COL4A4: variants seen among roughly 807,000 people sequenced by gnomAD.
COL4A4 encodes collagen alpha-4(IV) chain.
COL4A4 carries 105 observed loss-of-function variants against 192.9 expected under a neutral mutation model. That is an observed-to-expected ratio of 0.54 (90% confidence interval 0.46 to 0.64). The LOEUF is 0.64. COL4A4 is among the 30% of genes least tolerant of loss of function. The probability of loss-of-function intolerance (pLI) is 0.00; values close to 1 mark genes in which losing one functional copy is unlikely to be tolerated. For missense variants in COL4A4, 1,967 were observed against 2,169.3 expected, an observed-to-expected ratio of 0.91 and a Z score of 1.85; for synonymous variants, 762 against 769.9, an observed-to-expected ratio of 0.99 and a Z score of 0.17.
the COL4A4 span, among the ~76,000 whole-genome samples, chr2:226,972,664 A>G: frequency 6.6e-6 from 1 of 152,186 alleles, no homozygotes; most frequent in Admixed American, 6.5e-5. Flanking sequence ...TGAGTCAGTC[A>G]TTCAGCAAAT....
intron 19 of COL4A4, among the ~76,000 whole-genome samples, chr2:227,094,590 G>C (rs780736492): frequency 6.6e-6 from 1 of 152,284 alleles, no homozygotes; most frequent in East Asian, 1.9e-4. Context: ...CAAAGTCTTA[G>C]TCATGCAAGA....
chr2:227,045,921 GTATATGTA>G (rs761891415), intron 35 of COL4A4, among the ~76,000 whole-genome samples: 14,844 of 61,612 alleles, frequency 0.24, 4,029 homozygotes, highest in African/African-American at 0.36. Context: ...GTATGTATAT[GTATATGTA>G]TATATGTATA....
intron 24 of COL4A4, 39 bp downstream of exon 24, chr2:227,080,404 G>GAAAGTGAA: frequency 3.2e-6 from 5 of 1,546,018 alleles, no homozygotes; most frequent in African/African-American, 2.7e-5. Context: ...GACCATATAA[G>GAAAGTGAA]AAAGTGAAAT....
At position 227,022,167 on chromosome 2, in the gene COL4A4, G is replaced by A. The variant is rs578099704; in HGVS notation, c.4097C>T (p.Pro1366Leu). 2.5e-5 allele frequency: 40 copies of A among 1,614,040 alleles called. No individual in the cohort carries two copies. The highest frequency in any genetic ancestry group is 2.2e-4 in the East Asian group (10 of 44,868). ...GTCATCCACATCTGCAGGTGGCCCC[G>A]GTTCACCTGAAATTGGAATCACCGC... ...PTGLPGPRGE[P>L]GPPADVDDCP... Residue 1366 changes from proline to leucine, a missense_variant, in exon 44 of 48, where the codon CCG becomes CTG. Coordinates refer to ENST00000396625, the MANE Select transcript of COL4A4 (RefSeq NM_000092.5).
At chr2:227,146,830 C>T (rs2063580257) in intron 2 of COL4A4, among the ~76,000 whole-genome samples, 1 of 152,184 alleles carries the variant, frequency 6.6e-6, no homozygotes, top group Non-Finnish European at 1.5e-5. Context: ...GTCAAAGCTC[C>T]TTCTCCGACT....
At chr2:227,150,082 T>TC (rs2063826464) in intron 1 of COL4A4, among the ~76,000 whole-genome samples, 1 of 152,222 alleles carries the variant, frequency 6.6e-6, no homozygotes, top group Non-Finnish European at 1.5e-5. Context: ...TATTAAGTTC[T>TC]CAATATATAT....
intron 4 of COL4A4, among the ~76,000 whole-genome samples, chr2:227,134,937 T>C (rs1315541836): frequency 6.6e-6 from 1 of 152,240 alleles, no homozygotes; most frequent in African/African-American, 2.4e-5. Flanking sequence ...TTTATTATCA[T>C]CCTTGTTACT....
chr2:227,067,362 C>G (rs541957539), intron 25 of COL4A4, among the ~76,000 whole-genome samples: 1 of 152,174 alleles, frequency 6.6e-6, no homozygotes, highest in Non-Finnish European at 1.5e-5. Context: ...CTGCACCAAG[C>G]AGACCTAATA....
At chr2:227,057,288 TG>T in intron 29 of COL4A4, 150 bp downstream of exon 29, 3 of 932,790 alleles carry the variant, frequency 3.2e-6, no homozygotes, top group Non-Finnish European at 4.9e-6. Context: ...GGGGAAGTGA[TG>T]CAAACCAACA....
intron 25 of COL4A4, among the ~76,000 whole-genome samples, chr2:227,071,233 G>C (rs1229672123): frequency 6.6e-6 from 1 of 152,000 alleles, no homozygotes; most frequent in Non-Finnish European, 1.5e-5. Context: ...AGAAACCAAA[G>C]GCAGCAGGGA....
chr2:227,065,196 G>C (rs374062674), intron 25 of COL4A4, among the ~76,000 whole-genome samples: 1 of 152,174 alleles, frequency 6.6e-6, no homozygotes, highest in Non-Finnish European at 1.5e-5. Context: ...AAAAAACGGC[G>C]CACCAGGAGA....
chr2:227,109,563 A>G (rs1377072949), intron 9 of COL4A4: 25 of 569,626 alleles, frequency 4.4e-5, no homozygotes, highest in South Asian at 2.0e-4. Context: ...CCTGGCCAAC[A>G]TGGTGAAACC....
chr2:226,992,943 G>A, the COL4A4 span, among the ~76,000 whole-genome samples: 1 of 152,224 alleles, frequency 6.6e-6, no homozygotes. Flanking sequence ...TGAAAGCTAA[G>A]TGGAGAAGTG....
chr2:227,047,543 T>C lies in COL4A4; in HGVS notation c.3221A>G (p.Lys1074Arg). ...ACCAAAGTGACTGGCAGGGTCACCT[T>C]TGTTTCCTGAAAGGGATAAAATGCA... ...IDGARGPKGNKGDPASHFGPP... is the reference protein window; with the variant it reads ...IDGARGPKGNRGDPASHFGPP... The change falls in exon 35 of 48, where the codon AAA (lysine) becomes AGA (arginine). Residue 1074 changes from lysine (K) to arginine (R), a missense_variant. Physicochemically the swap from Lys to Arg is conservative, Grantham distance 26 (BLOSUM62 2). Coordinates refer to ENST00000396625, the MANE Select transcript of COL4A4 (RefSeq NM_000092.5). The C allele has an allele frequency of 6.2e-7, 1 of 1,613,110 alleles. No homozygotes were observed. Among genetic ancestry groups the C allele is most frequent in the Admixed American group, 1.7e-5 (1 of 59,978 alleles).
intron 3 of COL4A4, among the ~76,000 whole-genome samples, chr2:227,144,295 G>C (rs1444793639): frequency 6.6e-6 from 1 of 152,182 alleles, no homozygotes; most frequent in Non-Finnish European, 1.5e-5. Flanking sequence ...AAAGGGTTAT[G>C]TTTGTATTAA....
chr2:226,991,474 C>G, the COL4A4 span, among the ~76,000 whole-genome samples: 1 of 152,186 alleles, frequency 6.6e-6, no homozygotes, highest in Admixed American at 6.5e-5. Flanking sequence ...GCCACCATGC[C>G]CAGCCCATTT....
chr2:226,971,266 G>A, the COL4A4 span, among the ~76,000 whole-genome samples: 1 of 152,176 alleles, frequency 6.6e-6, no homozygotes, highest in Non-Finnish European at 1.5e-5. Context: ...ATGCTTGTTG[G>A]TGAATGCCCA....
At chr2:227,131,619 C>G (rs1006806672) in intron 4 of COL4A4, among the ~76,000 whole-genome samples, 3 of 152,304 alleles carry the variant, frequency 2.0e-5, no homozygotes, top group African/African-American at 7.2e-5. Context: ...TTGTAGGGAG[C>G]TGAATGGCGC....
At position 227,080,561 on chromosome 2, in the gene COL4A4, G is replaced by T; in HGVS notation, c.1697-12C>A. 1.9e-6 allele frequency: 3 copies of T among 1,607,330 alleles called. No individual in the cohort carries two copies. The highest frequency in any genetic ancestry group is 1.7e-6 in the Non-Finnish European group (2 of 1,174,036). ...TTCTCCTTTGTGCCCTGGAAATAGA[G>T]GTCAAAAGATATTCAAGCTCTTATC... is the stretch of plus-strand genomic sequence containing the variant. On this transcript the variant is annotated splice_polypyrimidine_tract_variant and intron_variant, in intron 23 of 47. Transcript: ENST00000396625.
Sources: gnomAD v4.1 joint callset for allele counts (sites outside exome capture counted in the v4.1 genomes callset) on GRCh38, gnomAD v4.1.1 for gene constraint, MANE v1.5 for transcripts, NCBI Gene and HGNC (gene_info 2026-07-23, HGNC 2026-07-21) for gene names.